Variants in NRP2 observed in about 807,000 individuals in gnomAD.
NRP2 encodes neuropilin 2, also known as neuropilin-2.
Under a neutral mutation model 110.4 loss-of-function variants are expected in NRP2, and 52 were observed. The observed-to-expected ratio is 0.47, with a 90% CI of 0.38 to 0.59. The LOEUF is 0.59. NRP2 is among the 20% of genes least tolerant of loss of function. The pLI is 0.00. For synonymous variants in NRP2, 508 were observed against 468.9 expected, an observed-to-expected ratio of 1.08 and a Z score of -1.08; for missense variants, 1,049 against 1,203.0, an observed-to-expected ratio of 0.87 and a Z score of 1.89.
At chr2:205,729,185 G>T (rs952389112) in intron 7 of NRP2, among the ~76,000 whole-genome samples, 1 of 152,212 alleles carries the variant, frequency 6.6e-6, no homozygotes, top group African/African-American at 2.4e-5. Context: ...AGTCTCACTT[G>T]GGAAACGGGA....
At chr2:205,792,207 A>G (rs771786208) in intron 15 of NRP2, 28 bp from the exon 16 acceptor site, 2 of 1,484,330 alleles carry the variant, frequency 1.3e-6, no homozygotes, top group Non-Finnish European at 1.9e-6. Flanking sequence ...CTTGTTATTA[A>G]CTTGTTTTTA....
At chr2:205,711,350 T>C (rs562313608) in intron 2 of NRP2, among the ~76,000 whole-genome samples, 78 of 152,230 alleles carry the variant, frequency 5.1e-4, no homozygotes, top group African/African-American at 1.8e-3. Flanking sequence ...GACAAGACCT[T>C]TCCAGATTAT....
intron 2 of NRP2, among the ~76,000 whole-genome samples, chr2:205,703,065 G>A (rs1341223360): frequency 2.6e-5 from 4 of 152,190 alleles, no homozygotes; most frequent in South Asian, 4.1e-4. Context: ...CTCCCATGGC[G>A]CCTAGTCTAG....
chr2:205,791,688 G>C (rs2058303669), intron 15 of NRP2, among the ~76,000 whole-genome samples: 1 of 152,188 alleles, frequency 6.6e-6, no homozygotes, highest in Non-Finnish European at 1.5e-5. Flanking sequence ...TATTAGCACA[G>C]ATATGTGAAG....
chr2:205,735,784 G>A (rs2057331650), intron 7 of NRP2, among the ~76,000 whole-genome samples: 2 of 151,974 alleles, frequency 1.3e-5, no homozygotes, highest in Admixed American at 1.3e-4. Flanking sequence ...GAAAAATGCT[G>A]GATTATATTC....
At chr2:205,757,874 A>C (rs1489949678) in intron 12 of NRP2, among the ~76,000 whole-genome samples, 1 of 147,788 alleles carries the variant, frequency 6.8e-6, no homozygotes, top group African/African-American at 2.5e-5. Context: ...AAAAAATAAC[A>C]GCAGGAAGAA....
chr2:205,792,372 AG>A, intron 16 of NRP2, 87 bp downstream of exon 16: 2 of 935,132 alleles, frequency 2.1e-6, no homozygotes, highest in East Asian at 4.8e-5. Context: ...TGGGTATCGG[AG>A]GGCCCAAATC....
At chr2:205,786,153 A>AC (rs1224075710) in intron 15 of NRP2, among the ~76,000 whole-genome samples, 1 of 152,224 alleles carries the variant, frequency 6.6e-6, no homozygotes, top group African/African-American at 2.4e-5. Context: ...ACTTGGATGA[A>AC]CAAACTGAAT....
intron 11 of NRP2, among the ~76,000 whole-genome samples, chr2:205,751,993 A>C (rs2057654140): frequency 1.3e-5 from 2 of 152,168 alleles, no homozygotes; most frequent in Non-Finnish European, 2.9e-5. Context: ...AGCTGGGTGG[A>C]ACCTCAGAAG....
chr2:205,752,226 C>G (rs1032724852), intron 11 of NRP2, among the ~76,000 whole-genome samples: 1 of 152,184 alleles, frequency 6.6e-6, no homozygotes, highest in Non-Finnish European at 1.5e-5. Context: ...CTTACCATGC[C>G]AAATTTCCCA....
At chr2:205,742,243 A>G (rs2057455681) in intron 8 of NRP2, among the ~76,000 whole-genome samples, 1 of 152,218 alleles carries the variant, frequency 6.6e-6, no homozygotes, top group African/African-American at 2.4e-5. Flanking sequence ...GCCTGACATC[A>G]TTTATTCATG....
intron 12 of NRP2, among the ~76,000 whole-genome samples, chr2:205,762,767 G>T (rs1367516211): frequency 1.3e-5 from 2 of 152,170 alleles, no homozygotes; most frequent in African/African-American, 4.8e-5. Flanking sequence ...GGATTTGAAG[G>T]TGCAGGTCAC....
intron 15 of NRP2, chr2:205,768,209 A>G (rs1191744803): frequency 6.6e-6 from 1 of 152,248 alleles, no homozygotes; most frequent in African/African-American, 2.4e-5. Context: ...ATTCATGTGC[A>G]TACACTGGTG....
intron 16 of NRP2, among the ~76,000 whole-genome samples, chr2:205,793,165 G>T (rs1316137073): frequency 2.6e-5 from 4 of 152,156 alleles, no homozygotes; most frequent in African/African-American, 7.2e-5. Context: ...ATGGGCAAAA[G>T]TGCATGACCA....
At position 205,763,740 on chromosome 2, in the gene NRP2, G is replaced by GC. The variant is rs1235386988; in HGVS notation, c.2117dup (p.Val707CysfsTer42). 7 of 1,614,202 alleles carry GC rather than the reference G, an allele frequency of 4.3e-6. No individual in the cohort carries two copies. Among genetic ancestry groups the GC allele is most frequent in the Non-Finnish European group, 5.9e-6 (7 of 1,180,028 alleles). On this transcript the variant is annotated frameshift_variant, in exon 13 of 17. Transcript: ENST00000357785. LOFTEE classifies it high-confidence loss of function. This position sits in a 1 kb window ranked among gnomAD's most constrained non-coding sequence, Gnocchi z 4.0. ...GAGGGCCAGTATGCCCGGCTCATCA[G>GC]CCCCCCTGTCCACCTGCCCCGAAGC...
At chr2:205,719,957 G>A (rs1202006897) in intron 3 of NRP2, among the ~76,000 whole-genome samples, 6 of 152,104 alleles carry the variant, frequency 3.9e-5, no homozygotes, top group South Asian at 4.1e-4. Context: ...TGAGTTCTTC[G>A]TTTAACCTTT....
intron 3 of NRP2, among the ~76,000 whole-genome samples, chr2:205,720,262 CTT>C (rs202203741): frequency 0.021 from 2,699 of 129,162 alleles, 61 homozygotes; most frequent in African/African-American, 0.061. Context: ...TTTTTTCTTT[CTT>C]TTTTTTTTTT....
chr2:205,755,777 C>T (rs552472030), intron 12 of NRP2, among the ~76,000 whole-genome samples: 6 of 152,210 alleles, frequency 3.9e-5, no homozygotes, highest in African/African-American at 1.4e-4. Context: ...AGGGGACCGT[C>T]CCACTCTTCA....
At position 205,738,137 on chromosome 2, in the gene NRP2, G is replaced by A. The variant is rs373245792; in HGVS notation, c.1147-2382G>A. Among the ~76,000 whole-genome samples, 10 of 152,166 alleles carry A rather than the reference G, an allele frequency of 6.6e-5. No individual in the cohort carries two copies. The South Asian group carries it at 1.0e-3, about 16-fold the overall frequency. ...TGCTGTGTTTCTAAACGGTACCAGC[G>A]TGGTGTGTATGCTGTGGATTAGCGG... On this transcript the variant is annotated intron_variant, in intron 7 of 16. Coordinates refer to ENST00000357785, the MANE Select transcript of NRP2 (RefSeq NM_003872.3).
Sources: allele counts gnomAD v4.1 joint callset (sites outside exome capture counted in the v4.1 genomes callset), GRCh38; gene constraint gnomAD v4.1.1; non-coding constraint Gnocchi (gnomAD v3.1); transcripts MANE v1.5; gene names NCBI Gene and HGNC (gene_info 2026-07-23, HGNC 2026-07-21).